The following TASOR variants were observed in gnomAD, a reference collection of about 807,000 sequenced individuals.
TASOR encodes the protein protein TASOR.
TASOR carries 53 observed loss-of-function variants against 178.6 expected under a neutral mutation model. The ratio of observed to expected loss-of-function variants is 0.30; its 90% CI spans 0.24 to 0.37. The LOEUF (loss-of-function observed/expected upper bound fraction) is 0.37, where lower values mean the gene tolerates loss of function less well. TASOR is among the 10% of genes least tolerant of loss of function. The probability of loss-of-function intolerance (pLI) is 1.00; values close to 1 mark genes in which losing one functional copy is unlikely to be tolerated. For synonymous variants in TASOR, 713 were observed against 696.2 expected (o/e 1.02, Z -0.38); for missense variants, 1,815 against 1,971.4 (o/e 0.92, Z 1.50).
chr3:56,668,098 G>A (rs913851371), intron 6 of TASOR, among the ~76,000 whole-genome samples: 1 of 152,192 alleles, frequency 6.6e-6, no homozygotes, highest in African/African-American at 2.4e-5. Context: ...AAAATGAAAT[G>A]AGGTGTGTTG....
At chr3:56,653,269 A>C (rs1327707073) in intron 11 of TASOR, among the ~76,000 whole-genome samples, 1 of 117,158 alleles carries the variant, frequency 8.5e-6, no homozygotes, top group African/African-American at 4.6e-5. Flanking sequence ...TCTCAAAAAA[A>C]AAAAAAAAAA....
At chr3:56,673,894 T>C (rs980832578) in intron 1 of TASOR, among the ~76,000 whole-genome samples, 169 bp from the exon 2 acceptor site, 9 of 151,218 alleles carry the variant, frequency 6.0e-5, no homozygotes, top group Admixed American at 2.0e-4. Flanking sequence ...TGAAAAAAAA[T>C]GTAAAACTAG....
chr3:56,642,344 A>C (rs545798102), intron 14 of TASOR, among the ~76,000 whole-genome samples: 29 of 152,340 alleles, frequency 1.9e-4, no homozygotes, highest in African/African-American at 6.5e-4. Flanking sequence ...TTATAAGAGG[A>C]AACACGTTAA....
At chr3:56,663,608 C>T (rs777562062) in intron 7 of TASOR, 36 bp from the exon 8 acceptor site, 9 of 1,296,542 alleles carry the variant, frequency 6.9e-6, no homozygotes, top group Non-Finnish European at 7.0e-6. Flanking sequence ...AAACATTACT[C>T]ATTAGTATAA....
chr3:56,670,103 T>C lies in TASOR; in HGVS notation c.613A>G (p.Lys205Glu), dbSNP rs1393163554. Reference sequence around the variant, plus strand: ...GAAGGACTGCCAAGAATTGTTATTTTGGACTGACCCACATGTAATCCTTTT... The same window carrying C: ...GAAGGACTGCCAAGAATTGTTATTTCGGACTGACCCACATGTAATCCTTTT... Reference protein sequence around the residue: ...CEKGLHVGQSKITILGSPSMG... With the variant: ...CEKGLHVGQSEITILGSPSMG... The change falls in exon 4 of 24, where the codon AAA becomes GAA. Residue 205 changes from lysine to glutamate, a missense_variant. Physicochemically the swap from Lys to Glu is moderately conservative, Grantham distance 56. Coordinates refer to ENST00000683822, the MANE Select transcript of TASOR (RefSeq NM_001365635.2). 10 of 1,541,974 alleles carry C rather than the reference T, an allele frequency of 6.5e-6. No homozygotes were observed. Among genetic ancestry groups the C allele is most frequent in the Non-Finnish European group, 8.7e-6 (10 of 1,143,014 alleles).
chr3:56,621,468 T>C lies in TASOR; in HGVS notation c.*1569A>G, dbSNP rs1356618297. The C allele has an allele frequency of 9.3e-7, 1 of 1,079,384 alleles. No homozygotes were observed. Among genetic ancestry groups the C allele is most frequent in the Non-Finnish European group, 1.3e-6 (1 of 746,192 alleles). 66.9% of individuals were successfully genotyped at this position (1,079,384 alleles called of 1,614,324 possible). On this transcript the variant is annotated 3_prime_UTR_variant, in exon 24 of 24. Transcript: ENST00000683822. ...TTTCCAAGTGAATATAATTCTAGTTTAACACAACATTGCAAGTCAGGTGTG... is the reference window on the plus strand; with the variant it reads ...TTTCCAAGTGAATATAATTCTAGTTCAACACAACATTGCAAGTCAGGTGTG...
chr3:56,628,567 A>T lies in TASOR; in HGVS notation c.3795T>A (p.Phe1265Leu), dbSNP rs760139480. The T allele has an allele frequency of 3.1e-6, 5 of 1,597,598 alleles. No homozygotes were observed. The highest frequency in any genetic ancestry group is 3.4e-6 in the Non-Finnish European group (4 of 1,167,146). ...LGNTECHPEQ[F>L]LERRSKLDKL... ...TATCTAATTTTGATCTTCTTTCCAA[A>T]AACTGTTCAGGATGACATTCTGTAT... is the stretch of plus-strand genomic sequence containing the variant. The change falls in exon 19 of 24, where the codon TTT becomes TTA. Residue 1265 changes from phenylalanine (F) to leucine (L), a missense_variant. By Grantham distance (22) the Phe-to-Leu change is conservative. Around this residue, in one of 5 missense-constraint regions of TASOR, gnomAD observed 655 missense variants for 671.1 expected, o/e 0.98. Transcript: ENST00000683822.
chr3:56,680,593 T>C (rs1300081273), intron 1 of TASOR, among the ~76,000 whole-genome samples: 1 of 152,126 alleles, frequency 6.6e-6, no homozygotes, highest in Non-Finnish European at 1.5e-5. Flanking sequence ...TAAAGTTGAA[T>C]TTATGTATTA....
At chr3:56,663,486 G>T in intron 8 of TASOR, 55 bp downstream of exon 8, 1 of 915,544 alleles carries the variant, frequency 1.1e-6, no homozygotes, top group South Asian at 1.9e-5. Flanking sequence ...TTAATCTTTT[G>T]CTATATGTAC....
At chr3:56,666,215 G>T (rs1421350610) in intron 7 of TASOR, 45 bp downstream of exon 7, 2 of 1,459,318 alleles carry the variant, frequency 1.4e-6, no homozygotes, top group East Asian at 2.6e-5. Flanking sequence ...AGGATCTGTA[G>T]TAGAATTATC....
At position 56,633,322 on chromosome 3, in the gene TASOR, T is replaced by C; in HGVS notation, c.3469A>G (p.Thr1157Ala). The change falls in exon 18 of 24, where the codon ACT becomes GCT. Residue 1157 changes from threonine to alanine, a missense_variant. By Grantham distance (58) the Thr-to-Ala change is moderately conservative. Transcript: ENST00000683822. ...TGAGGCTGGTTCATTTCTACTTCAG[T>C]TAAAGCCGAAGTGGAATGCTGCTCA... Reference protein sequence around the residue: ...SDEQHSTSALTEVEMNQPQHA... With the variant: ...SDEQHSTSALAEVEMNQPQHA... 1 of 1,614,206 alleles carries C rather than the reference T, an allele frequency of 6.2e-7. No homozygotes were observed. Among genetic ancestry groups the C allele is most frequent in the Non-Finnish European group, 8.5e-7 (1 of 1,180,040 alleles).
At chr3:56,627,232 T>A in intron 20 of TASOR, 87 bp from the exon 21 acceptor site, 1 of 761,530 alleles carries the variant, frequency 1.3e-6, no homozygotes, top group Non-Finnish European at 2.2e-6. Flanking sequence ...TCATATTATG[T>A]AGAAACACCT....
intron 1 of TASOR, among the ~76,000 whole-genome samples, chr3:56,674,604 T>C (rs2031106668): frequency 6.6e-6 from 1 of 152,112 alleles, no homozygotes; most frequent in Non-Finnish European, 1.5e-5. Flanking sequence ...CTTAGTAAAA[T>C]GAAAACATGT....
chr3:56,666,499 G>T, intron 6 of TASOR, 115 bp from the exon 7 acceptor site: 1 of 695,804 alleles, frequency 1.4e-6, no homozygotes, highest in Non-Finnish European at 2.1e-6. Flanking sequence ...GACAAAAAAT[G>T]TCTTTAAGCT....
In TASOR at chr3:56,639,982, T is replaced by C; in HGVS notation, c.2764+4A>G. ...AAACACAAGTCCAAGTATACTTTTC[T>C]TACCTGTAATTGGAATCAGTTTCCA... On this transcript the variant is annotated splice_donor_region_variant and intron_variant, in intron 16 of 23. Transcript: ENST00000683822. 1 of 1,601,320 alleles carries C rather than the reference T, an allele frequency of 6.2e-7. No individual in the cohort carries two copies. The highest frequency in any genetic ancestry group is 8.5e-7 in the Non-Finnish European group (1 of 1,175,328).
At chr3:56,662,319 A>C (rs2077615893) in intron 9 of TASOR, 66 bp downstream of exon 9, 2 of 813,718 alleles carry the variant, frequency 2.5e-6, no homozygotes, top group African/African-American at 3.5e-5. Context: ...TGAAAAAGAA[A>C]TAAGGAAAAA....
rs1370067265 is a variant in TASOR at position 56,682,825 on chromosome 3, G to A, written c.182C>T (p.Ala61Val). 12 of 1,550,456 alleles carry A rather than the reference G, an allele frequency of 7.7e-6. No individual in the cohort carries two copies. Among genetic ancestry groups the A allele is most frequent in the Admixed American group, 3.9e-5 (2 of 50,946 alleles). The change falls in exon 1 of 24, where the codon GCG (alanine) becomes GTG (valine). Residue 61 changes from alanine to valine, a missense_variant. Ala to Val is a moderately conservative substitution (Grantham distance 64, BLOSUM62 0). Coordinates refer to ENST00000683822, the MANE Select transcript of TASOR (RefSeq NM_001365635.2). ...GAGGCTCTGGGCGGCCTCGGCCCCC[G>A]CGTTCTCCTCACGCCCAGCGCCGCC... ...PSGGAGREEN[A>V]GAEAAQSLSH...
In TASOR at chr3:56,654,768, C is replaced by A. The variant is rs950952979; in HGVS notation, c.1369-5711G>T. ...AAGTTGGGATGTCAACTGTTCCCTGCCTTCAGACTTGAACTGAAACATTGG... is the reference window on the plus strand; with the variant it reads ...AAGTTGGGATGTCAACTGTTCCCTGACTTCAGACTTGAACTGAAACATTGG... On this transcript the variant is annotated intron_variant, in intron 11 of 23. Transcript: ENST00000683822. Among the ~76,000 whole-genome samples the A allele has an allele frequency of 5.9e-5, 9 of 152,342 alleles. No individual in the cohort carries two copies. The East Asian group carries it at 1.3e-3, about 23-fold the overall frequency.
intron 20 of TASOR, 71 bp from the exon 21 acceptor site, chr3:56,627,216 G>A (rs1050423504): frequency 7.6e-6 from 7 of 923,468 alleles, no homozygotes; most frequent in African/African-American, 5.0e-5. Context: ...TGAAAGAAGT[G>A]TTTTTTCATA....
Sources: gnomAD v4.1 joint callset for allele counts (sites outside exome capture counted in the v4.1 genomes callset) on GRCh38, gnomAD v4.1.1 for gene constraint, gnomAD v4.1.1 regional missense constraint, MANE v1.5 for transcripts, NCBI Gene and HGNC (gene_info 2026-07-23, HGNC 2026-07-21) for gene names.